Variants in MAGI3 observed in about 807,000 individuals in gnomAD.
MAGI3 encodes the protein membrane associated guanylate kinase, WW and PDZ domain containing 3.
In MAGI3, 43 loss-of-function variants were observed where a neutral mutation model predicts 121.8. The observed-to-expected ratio is 0.35, with a 90% confidence interval of 0.28 to 0.46. The LOEUF (loss-of-function observed/expected upper bound fraction) is 0.46. MAGI3 is among the 20% of genes least tolerant of loss of function. MAGI3 has a pLI of 1.00. For synonymous variants in MAGI3, 553 were observed against 639.3 expected, an observed-to-expected ratio of 0.86 and a Z score of 2.04; for missense variants, 1,547 against 1,797.3, an observed-to-expected ratio of 0.86 and a Z score of 2.52.
intron 10 of MAGI3, among the ~76,000 whole-genome samples, chr1:113,642,876 A>G (rs968926268): frequency 6.6e-6 from 1 of 152,214 alleles, no homozygotes; most frequent in Non-Finnish European, 1.5e-5. Context: ...GACTCTTTCA[A>G]CCAATGGTGT....
chr1:113,391,325 A>C lies in MAGI3; in HGVS notation c.292A>C (p.Ile98Leu), dbSNP rs773094644. ...LAVIRHFREP[I>L]RLKTVKPGKV... ...TGTCATCCGCCACTTCCGCGAGCCC[A>C]TCCGTCTCAAGACTGTGAAACCAGG... Residue 98 changes from isoleucine to leucine, a missense_variant, in exon 1 of 21, where the codon ATC becomes CTC. Transcript: ENST00000307546. This position sits in a 1 kb window ranked among gnomAD's most constrained non-coding sequence, Gnocchi z 4.4. 2 of 1,597,892 alleles carry C rather than the reference A, an allele frequency of 1.3e-6. No homozygotes were observed. The highest frequency in any genetic ancestry group is 3.4e-5 in the Admixed American group (2 of 58,394).
chr1:113,665,902 A>G (rs1480752840), intron 16 of MAGI3, among the ~76,000 whole-genome samples: 2 of 152,224 alleles, frequency 1.3e-5, no homozygotes, highest in African/African-American at 2.4e-5. Context: ...GGCCACTGCC[A>G]TTAGGTAGTG....
intron 6 of MAGI3, among the ~76,000 whole-genome samples, chr1:113,598,223 C>G (rs549934525): frequency 1.7e-3 from 200 of 116,952 alleles, no homozygotes; most frequent in African/African-American, 5.2e-3. Context: ...CATCCCCCCA[C>G]CCCCCCTCCA....
intron 2 of MAGI3, 127 bp from the exon 3 acceptor site, chr1:113,580,415 A>G (rs1273389662): frequency 4.1e-6 from 3 of 734,462 alleles, no homozygotes; most frequent in Non-Finnish European, 6.1e-6. Context: ...TTTTACCTTA[A>G]TAAAGTTGGG....
chr1:113,621,095 G>C (rs1403444935), intron 8 of MAGI3, among the ~76,000 whole-genome samples: 4 of 152,068 alleles, frequency 2.6e-5, no homozygotes, highest in Non-Finnish European at 5.9e-5. Context: ...ATAGAAACTA[G>C]GTCTTGAAAA....
intron 19 of MAGI3, among the ~76,000 whole-genome samples, chr1:113,674,141 C>T (rs1048696106): frequency 6.6e-6 from 1 of 152,158 alleles, no homozygotes; most frequent in Admixed American, 6.5e-5. Context: ...CCTGTAATCC[C>T]AGCACTTTGG....
chr1:113,411,508 T>C (rs1447474376), intron 1 of MAGI3, among the ~76,000 whole-genome samples: 1 of 152,116 alleles, frequency 6.6e-6, no homozygotes, highest in Non-Finnish European at 1.5e-5. Flanking sequence ...TATTGGGAAT[T>C]ACTGCCAATG....
intron 1 of MAGI3, among the ~76,000 whole-genome samples, chr1:113,493,472 A>C (rs985775212): frequency 6.6e-6 from 1 of 152,212 alleles, no homozygotes; most frequent in African/African-American, 2.4e-5. Context: ...GGAGTGGGCA[A>C]ATTTTCATGA....
intron 17 of MAGI3, among the ~76,000 whole-genome samples, chr1:113,672,210 G>A (rs1571030915): frequency 1.3e-5 from 2 of 152,318 alleles, no homozygotes; most frequent in Middle Eastern, 6.8e-3. Context: ...AGCAGGTTTT[G>A]TGTGTATTTC....
chr1:113,584,077 A>G (rs1197551297), intron 3 of MAGI3, among the ~76,000 whole-genome samples: 3 of 152,200 alleles, frequency 2.0e-5, no homozygotes, highest in South Asian at 2.1e-4. Flanking sequence ...GGAAAAAACA[A>G]TCAATTATCT....
chr1:113,667,431 G>C (rs1268944097), intron 16 of MAGI3, among the ~76,000 whole-genome samples: 1 of 152,168 alleles, frequency 6.6e-6, no homozygotes, highest in East Asian at 1.9e-4. Flanking sequence ...GCTTCTTCTA[G>C]CTTCACACTT....
chr1:113,398,727 G>A (rs2101284375), intron 1 of MAGI3, among the ~76,000 whole-genome samples: 1 of 152,134 alleles, frequency 6.6e-6, no homozygotes, highest in East Asian at 1.9e-4. Flanking sequence ...ATTTATTAAT[G>A]CTTCATTTTC....
At chr1:113,434,851 A>C (rs1418178117) in intron 1 of MAGI3, among the ~76,000 whole-genome samples, 1 of 152,246 alleles carries the variant, frequency 6.6e-6, no homozygotes, top group Non-Finnish European at 1.5e-5. Context: ...ATTTTTAATC[A>C]TACTGCTTTT....
chr1:113,593,172 T>C (rs999151140), intron 5 of MAGI3, among the ~76,000 whole-genome samples: 3 of 152,154 alleles, frequency 2.0e-5, no homozygotes, highest in African/African-American at 7.2e-5. Context: ...TTCCTAAGAG[T>C]GGTCAAGGTA....
At chr1:113,414,819 T>A (rs1205514870) in intron 1 of MAGI3, among the ~76,000 whole-genome samples, 6 of 151,856 alleles carry the variant, frequency 4.0e-5, no homozygotes, top group African/African-American at 1.4e-4. Context: ...AATAAAACTG[T>A]TTGGTGGGTT....
At chr1:113,453,356 G>A (rs2101493590) in intron 1 of MAGI3, among the ~76,000 whole-genome samples, 1 of 152,130 alleles carries the variant, frequency 6.6e-6, no homozygotes, top group African/African-American at 2.4e-5. Flanking sequence ...ACTGAGTATG[G>A]AATCCTACTC....
In MAGI3 at chr1:113,597,340, A is replaced by G. The variant is rs569759994; in HGVS notation, c.1018+2780A>G. 8.7e-4 allele frequency among the ~76,000 whole-genome samples: 133 copies of G among 152,310 alleles called. 1 individual carries two copies. Among genetic ancestry groups the G allele is most frequent in the Non-Finnish European group, 1.6e-3 (106 of 68,020 alleles). ...AGAATAGAGATTAACTGTTAACAGC[A>G]TGAGGAATCTTCTTGGAGTTATGAA... On this transcript the variant is annotated intron_variant, in intron 6 of 20. Transcript: ENST00000307546.
At chr1:113,620,591 T>C (rs1015214068) in intron 8 of MAGI3, among the ~76,000 whole-genome samples, 6 of 152,200 alleles carry the variant, frequency 3.9e-5, no homozygotes, top group African/African-American at 1.4e-4. Flanking sequence ...TAGCAAACAT[T>C]TTGAGTTTAA....
At chr1:113,436,701 G>A (rs186826206) in intron 1 of MAGI3, among the ~76,000 whole-genome samples, 17 of 150,746 alleles carry the variant, frequency 1.1e-4, no homozygotes, top group Non-Finnish European at 2.4e-4. Context: ...TTTTAATACT[G>A]TCAAAGCACT....
Sources: gnomAD v4.1 joint callset for allele counts (sites outside exome capture counted in the v4.1 genomes callset) on GRCh38, gnomAD v4.1.1 for gene constraint, Gnocchi (gnomAD v3.1) non-coding constraint, MANE v1.5 for transcripts, NCBI Gene and HGNC (gene_info 2026-07-23, HGNC 2026-07-21) for gene names.